The following PRKCA variants were observed in gnomAD, a reference collection of about 807,000 sequenced individuals.
PRKCA encodes protein kinase C alpha, also known as protein kinase C alpha type.
Under a neutral mutation model 87.0 loss-of-function variants are expected in PRKCA, and 27 were observed. That is an observed-to-expected ratio of 0.31 (90% confidence interval 0.23 to 0.43). PRKCA has a LOEUF of 0.43. Ranked by LOEUF, PRKCA falls within the 20% of genes least tolerant of loss-of-function variation. PRKCA has a pLI of 1.00. For synonymous variants in PRKCA, 329 were observed against 311.1 expected (o/e 1.06, Z -0.61); for missense variants, 518 against 852.3 (o/e 0.61, Z 4.88).
intron 2 of PRKCA, among the ~76,000 whole-genome samples, chr17:66,479,319 A>G (rs1179238996): frequency 6.6e-6 from 1 of 152,212 alleles, no homozygotes; most frequent in Non-Finnish European, 1.5e-5. Flanking sequence ...ATCTCACACC[A>G]GTCAGAATAG....
intron 2 of PRKCA, among the ~76,000 whole-genome samples, chr17:66,470,517 C>T (rs558495497): frequency 1.7e-4 from 26 of 152,114 alleles, no homozygotes; most frequent in African/African-American, 6.0e-4. Flanking sequence ...CTTGAGTCAC[C>T]GCGCCCGGCC....
intron 8 of PRKCA, among the ~76,000 whole-genome samples, chr17:66,714,250 C>T (rs1009821747): frequency 2.0e-5 from 3 of 151,786 alleles, no homozygotes; most frequent in African/African-American, 7.3e-5. Flanking sequence ...GGAGAATGCC[C>T]CCTTGTGAGT....
intron 3 of PRKCA, among the ~76,000 whole-genome samples, chr17:66,548,341 G>A (rs141914951): frequency 1.3e-5 from 2 of 152,274 alleles, no homozygotes; most frequent in African/African-American, 2.4e-5. Flanking sequence ...AGGAAGGAGA[G>A]GGGCAGAAAG....
Position 66,587,895 on chromosome 17 carries a change from G to GTATATATATA in PRKCA, c.289-53432_289-53423dup, listed in dbSNP as rs71160580. On this transcript the variant is annotated intron_variant, in intron 3 of 16. Coordinates refer to ENST00000413366, the MANE Select transcript of PRKCA (RefSeq NM_002737.3). The stretch of plus-strand genomic sequence containing the variant: ...TGTGTGTGTGTGTGTGTGTGTGTGT[G>GTATATATATA]TATATATATATATATATATATATAT... 1.2e-3 allele frequency among the ~76,000 whole-genome samples: 99 copies of GTATATATATA among 85,358 alleles called. 4 individuals carry two copies. The highest frequency in any genetic ancestry group is 5.2e-3 in the East Asian group (15 of 2,862). The allele number at this position is 85,358 out of a possible 152,430, so 56.0% of individuals were successfully genotyped here.
intron 13 of PRKCA, among the ~76,000 whole-genome samples, chr17:66,756,145 G>A (rs1424860993): frequency 3.3e-5 from 5 of 152,122 alleles, no homozygotes; most frequent in East Asian, 1.9e-4. Flanking sequence ...GAGAAAAATC[G>A]CCTCATGCTT....
chr17:66,424,262 A>G (rs1912656874), intron 2 of PRKCA, among the ~76,000 whole-genome samples: 1 of 151,996 alleles, frequency 6.6e-6, no homozygotes, highest in Non-Finnish European at 1.5e-5. Flanking sequence ...TTCTCCTGGA[A>G]CCTCACATAT....
intron 2 of PRKCA, among the ~76,000 whole-genome samples, chr17:66,378,929 A>G (rs1598626402): frequency 6.6e-6 from 1 of 151,880 alleles, no homozygotes; most frequent in East Asian, 1.9e-4. Flanking sequence ...ATGATATAAT[A>G]TGTGGCTTTT....
chr17:66,756,926 G>T (rs1974562089), intron 13 of PRKCA, among the ~76,000 whole-genome samples: 1 of 152,168 alleles, frequency 6.6e-6, no homozygotes, highest in South Asian at 2.1e-4. Context: ...GTCTCCCAGA[G>T]TGCTGGGATT....
In PRKCA at chr17:66,641,465, CAGTA is replaced by C. The variant is rs747101309; in HGVS notation, c.400+7_400+10del. ...TTATCCATCAAGGGATGAAATGTGA[CAGTA>C]AGTAAGTTTTCTTTTCCAGTTCATA... On this transcript the variant is annotated splice_donor_variant and splice_donor_region_variant and coding_sequence_variant and intron_variant, in exon 4 of 17. Coordinates refer to ENST00000413366, the MANE Select transcript of PRKCA (RefSeq NM_002737.3). LOFTEE classifies it high-confidence loss of function. 27 of 1,602,080 alleles carry C rather than the reference CAGTA, an allele frequency of 1.7e-5. No individual in the cohort carries two copies. The highest frequency in any genetic ancestry group is 7.8e-5 in the South Asian group (7 of 89,218).
At chr17:66,439,511 A>T (rs1395574627) in intron 2 of PRKCA, among the ~76,000 whole-genome samples, 2 of 152,160 alleles carry the variant, frequency 1.3e-5, no homozygotes, top group African/African-American at 4.8e-5. Flanking sequence ...GAAAAAAATT[A>T]TGTTGCTCTA....
chr17:66,341,089 T>A (rs1369768070), intron 2 of PRKCA, among the ~76,000 whole-genome samples: 1 of 151,964 alleles, frequency 6.6e-6, no homozygotes, highest in Non-Finnish European at 1.5e-5. Context: ...TTTTTGGGAG[T>A]GGATAAGACT....
intron 2 of PRKCA, among the ~76,000 whole-genome samples, chr17:66,480,213 GT>G (rs968318786): frequency 1.3e-5 from 2 of 152,060 alleles, no homozygotes; most frequent in Non-Finnish European, 2.9e-5. Flanking sequence ...TTTGTCTCGT[GT>G]TTTTCCCCAG....
intron 2 of PRKCA, among the ~76,000 whole-genome samples, chr17:66,381,238 G>T (rs1185978257): frequency 6.6e-6 from 1 of 152,154 alleles, no homozygotes; most frequent in Admixed American, 6.5e-5. Context: ...CACTGTGCCT[G>T]GCCAGGTGTC....
At chr17:66,741,585 T>C in intron 11 of PRKCA, 74 bp from the exon 12 acceptor site, 1 of 1,509,934 alleles carries the variant, frequency 6.6e-7, no homozygotes, top group East Asian at 2.3e-5. Flanking sequence ...CTTTGATGCT[T>C]GAATTTGAGA....
intron 2 of PRKCA, among the ~76,000 whole-genome samples, chr17:66,392,352 C>A (rs533807212): frequency 1.6e-3 from 242 of 152,170 alleles, no homozygotes; most frequent in Non-Finnish European, 2.5e-3. Flanking sequence ...GAAGGTAACA[C>A]GTATGCTGTG....
At chr17:66,520,539 A>G (rs1321369204) in intron 3 of PRKCA, among the ~76,000 whole-genome samples, 1 of 152,224 alleles carries the variant, frequency 6.6e-6, no homozygotes, top group African/African-American at 2.4e-5. Flanking sequence ...CTGGGATTAC[A>G]GGTGTGAGCC....
At chr17:66,471,690 A>G (rs1310899384) in intron 2 of PRKCA, among the ~76,000 whole-genome samples, 2 of 150,670 alleles carry the variant, frequency 1.3e-5, no homozygotes, top group African/African-American at 4.9e-5. Context: ...GCAACAGTGA[A>G]AGTTACTTTT....
intron 2 of PRKCA, among the ~76,000 whole-genome samples, chr17:66,371,426 C>G (rs190732906): frequency 1.2e-4 from 19 of 152,252 alleles, no homozygotes; most frequent in African/African-American, 4.3e-4. Flanking sequence ...CAATGGAAAC[C>G]GGGGGTGAGA....
intron 2 of PRKCA, among the ~76,000 whole-genome samples, chr17:66,463,334 A>G (rs1040302420): frequency 2.6e-5 from 4 of 151,728 alleles, no homozygotes; most frequent in African/African-American, 9.7e-5. Context: ...ACTTGCAGCT[A>G]CCCAGGAATT....
Sources: allele counts gnomAD v4.1 joint callset (sites outside exome capture counted in the v4.1 genomes callset), GRCh38; gene constraint gnomAD v4.1.1; transcripts MANE v1.5; gene names NCBI Gene and HGNC (gene_info 2026-07-23, HGNC 2026-07-21).